The following RPL28 variants were observed in gnomAD, a reference collection of about 807,000 sequenced individuals.
RPL28 encodes ribosomal protein L28.
A neutral mutation model predicts 12.5 loss-of-function variants in RPL28; 4 were observed. The ratio of observed to expected loss-of-function variants is 0.32; its 90% CI spans 0.16 to 0.73. The LOEUF (loss-of-function observed/expected upper bound fraction) is 0.73. Ranked by LOEUF, RPL28 falls within the 30% of genes least tolerant of loss-of-function variation. The pLI, the probability that RPL28 is intolerant of heterozygous loss-of-function variation, is 0.66. For missense variants in RPL28, 214 were observed against 197.7 expected (o/e 1.08, Z -0.49); for synonymous variants, 91 against 72.5 (o/e 1.26, Z -1.30).
At chr19:55,402,926 ACTTTTTT>A (rs1196333619) in intron 4 of RPL28, 1 of 1,513,096 alleles carries the variant, frequency 6.6e-7, no homozygotes, top group East Asian at 2.5e-5. Context: ...AATTTGGTTA[ACTTTTTT>A]TTTTTTCAGC....
Position 55,388,253 on chromosome 19 carries a change from G to T in RPL28, c.335G>T (p.Arg112Leu). ...CTCCCCCGCCCCCAGGCAGCCATCC[G>T]CAGGGCCAGCGCCATCCTGCGCAGC... is the stretch of plus-strand genomic sequence containing the variant. ...YRPDLRMAAI[R>L]RASAILRSQK... The change falls in exon 5 of 5, where the codon CGC (arginine) becomes CTC (leucine). Residue 112 changes from arginine to leucine, a missense_variant. Physicochemically the swap from Arg to Leu is moderately radical, Grantham distance 102. Transcript: ENST00000344063. The T allele has an allele frequency of 6.4e-7, 1 of 1,555,868 alleles. No individual in the cohort carries two copies. Among genetic ancestry groups the T allele is most frequent in the Non-Finnish European group, 8.7e-7 (1 of 1,152,658 alleles).
intron 1 of RPL28, 133 bp downstream of exon 1, chr19:55,386,098 G>A (rs1422800521): frequency 2.0e-6 from 1 of 498,980 alleles, no homozygotes; most frequent in African/African-American, 1.9e-5. Context: ...TGAAGTCGTT[G>A]TGAATTTTCA....
intron 4 of RPL28, chr19:55,399,961 C>T (rs2090045393): frequency 6.6e-6 from 1 of 152,148 alleles, no homozygotes; most frequent in Non-Finnish European, 1.5e-5. Flanking sequence ...TCCTTCGCTC[C>T]CTGCACTGCT....
chr19:55,387,405 C>G, intron 3 of RPL28: 1 of 1,547,474 alleles, frequency 6.5e-7, no homozygotes, highest in Non-Finnish European at 8.7e-7. Flanking sequence ...ACACGTAGTC[C>G]AGGGAGCAGC....
chr19:55,402,015 T>C (rs974813303), intron 4 of RPL28, among the ~76,000 whole-genome samples: 1 of 152,228 alleles, frequency 6.6e-6, no homozygotes, highest in African/African-American at 2.4e-5. Context: ...AAAATGTCCC[T>C]GGTCCTCCGT....
intron 4 of RPL28, chr19:55,401,238 A>G: frequency 1.5e-6 from 1 of 666,330 alleles, no homozygotes; most frequent in African/African-American, 1.8e-5. Context: ...CCAGAGCCAC[A>G]TGGCACCATG....
chr19:55,403,288 C>A, downstream of RPL28: 1 of 569,840 alleles, frequency 1.8e-6, no homozygotes, highest in Non-Finnish European at 3.1e-6. Flanking sequence ...TCAGCTTTAG[C>A]AAAAAAGCCT....
chr19:55,388,767 C>T lies in RPL28; in HGVS notation c.*435C>T. 1 of 1,003,178 alleles carries T rather than the reference C, an allele frequency of 1.0e-6. No homozygotes were observed. Among genetic ancestry groups the T allele is most frequent in the Non-Finnish European group, 1.2e-6 (1 of 842,298 alleles). The allele number at this position is 1,003,178 out of a possible 1,614,324, so 62.1% of individuals were successfully genotyped here. A position where few individuals can be genotyped will look rare whatever the true frequency, so the allele number is the denominator to read the frequency against. ...GGTGTTCCCAAGACCTGGGGGACGA[C>T]AGACATCACGGGAGGAAGATGAGAT... On this transcript the variant is annotated 3_prime_UTR_variant, in exon 5 of 5. Transcript: ENST00000344063.
chr19:55,386,143 A>G (rs1600299302), intron 1 of RPL28, 178 bp downstream of exon 1: 1 of 576,676 alleles, frequency 1.7e-6, no homozygotes, highest in East Asian at 2.9e-5. Context: ...CGCCGCAGCT[A>G]GTCTCGGCTG....
Position 55,388,633 on chromosome 19 carries a change from G to T in RPL28, c.*301G>T, listed in dbSNP as rs947584302. On this transcript the variant is annotated 3_prime_UTR_variant, in exon 5 of 5. Transcript: ENST00000344063. ...TGAGGTGGCCTGAAGAATCCCAGCT[G>T]GGGCAGTGGCTTCCATTCAGAAGAA... The T allele has an allele frequency of 1.0e-5, 12 of 1,194,692 alleles. No homozygotes were observed. Among genetic ancestry groups the T allele is most frequent in the Non-Finnish European group, 1.2e-5 (12 of 964,240 alleles). The allele number at this position is 1,194,692 out of a possible 1,614,324, so 74.0% of individuals were successfully genotyped here.
chr19:55,401,857 C>CGAGGG, intron 4 of RPL28: 2 of 1,308,838 alleles, frequency 1.5e-6, no homozygotes, highest in South Asian at 1.2e-5. Context: ...GCTGTTCCTT[C>CGAGGG]TGCTCCCAAC....
downstream of RPL28, among the ~76,000 whole-genome samples, chr19:55,396,771 A>ATG (rs1569045784): frequency 6.7e-6 from 1 of 148,900 alleles, no homozygotes; most frequent in African/African-American, 2.5e-5. Flanking sequence ...TAGTAGAGAC[A>ATG]GGGTTTCACC....
chr19:55,392,602 G>A (rs985970733), downstream of RPL28, among the ~76,000 whole-genome samples: 14 of 146,256 alleles, frequency 9.6e-5, no homozygotes, highest in South Asian at 2.5e-3. Flanking sequence ...GCGCGACCTC[G>A]GGTGAGCTAC....
chr19:55,398,203 CAAAA>C (rs1480553180), intron 4 of RPL28, among the ~76,000 whole-genome samples: 6 of 151,914 alleles, frequency 3.9e-5, no homozygotes, highest in African/African-American at 1.2e-4. Flanking sequence ...CTCAAAAAAA[CAAAA>C]AGAAAGAAAT....
chr19:55,386,539 T>C, intron 2 of RPL28, 31 bp from the exon 3 acceptor site: 2 of 1,600,974 alleles, frequency 1.2e-6, no homozygotes, highest in Non-Finnish European at 1.7e-6. Context: ...GGGTCCCTTA[T>C]TCACGATGCC....
Position 55,391,599 on chromosome 19 carries a change from G to A in RPL28, c.*3267G>A. ...GTCAGGGCTCTGCTGCTCGGTGGCT[G>A]TGCAACCTTGGGCAAGTTCCTCAAC... On this transcript the variant is annotated 3_prime_UTR_variant, in exon 5 of 5. Coordinates refer to ENST00000344063, the MANE Select transcript of RPL28 (RefSeq NM_000991.5). The A allele has an allele frequency of 6.5e-7, 1 of 1,548,886 alleles. No individual in the cohort carries two copies.
chr19:55,402,668 G>A (rs1192966061), intron 4 of RPL28, among the ~76,000 whole-genome samples: 2 of 152,202 alleles, frequency 1.3e-5, no homozygotes, highest in African/African-American at 4.8e-5. Context: ...CCAAACTGCA[G>A]GTCTGGCTGC....
chr19:55,399,421 C>T (rs1445085681), intron 4 of RPL28, among the ~76,000 whole-genome samples: 2 of 152,326 alleles, frequency 1.3e-5, no homozygotes, highest in South Asian at 4.1e-4. Flanking sequence ...CCCGCCTTGG[C>T]CTCCCAAAGT....
At chr19:55,387,251 A>C in intron 3 of RPL28, 1 of 1,542,994 alleles carries the variant, frequency 6.5e-7, no homozygotes, top group Non-Finnish European at 8.8e-7. Flanking sequence ...CCAGCTTCAC[A>C]TGTGTTCTTG....
Sources: gnomAD v4.1 joint callset for allele counts (sites outside exome capture counted in the v4.1 genomes callset) on GRCh38, gnomAD v4.1.1 for gene constraint, MANE v1.5 for transcripts, NCBI Gene and HGNC (gene_info 2026-07-23, HGNC 2026-07-21) for gene names.